The following CNTFR variants were observed in gnomAD, a reference collection of about 807,000 sequenced individuals.
CNTFR encodes the protein ciliary neurotrophic factor receptor subunit alpha.
A neutral mutation model predicts 40.4 loss-of-function variants in CNTFR; 12 were observed. The observed-to-expected ratio is 0.30, with a 90% CI of 0.19 to 0.48. CNTFR has a LOEUF of 0.48. Among genes scored for constraint, CNTFR ranks in the 20% least tolerant of loss-of-function variants. The pLI, the probability that CNTFR is intolerant of heterozygous loss-of-function variation, is 0.99. For missense variants in CNTFR, 414 were observed against 506.8 expected (o/e 0.82, Z 1.76); for synonymous variants, 202 against 209.6 (o/e 0.96, Z 0.31).
Position 34,552,956 on chromosome 9 carries a change from A to G in CNTFR, c.769-102T>C. On this transcript the variant is annotated intron_variant, in intron 7 of 9. Transcript: ENST00000378980. This position sits in a 1 kb window ranked among gnomAD's most constrained non-coding sequence, Gnocchi z 5.1. ...CATGCCTCTGAGGAGAGGAGAGTAA[A>G]GGGCTCTGGGGGCAGTGAGGACTTC... 1 of 1,173,040 alleles carries G rather than the reference A, an allele frequency of 8.5e-7. No individual in the cohort carries two copies. The highest frequency in any genetic ancestry group is 1.5e-5 in the African/African-American group (1 of 64,582). The allele number at this position is 1,173,040 out of a possible 1,614,324, so 72.7% of individuals were successfully genotyped here.
Position 34,564,791 on chromosome 9 carries a change from T to C in CNTFR, c.127A>G (p.Thr43Ala). The change falls in exon 4 of 10, where the codon ACA (threonine) becomes GCA (alanine). Residue 43 changes from threonine to alanine, a missense_variant. Physicochemically the swap from Thr to Ala is moderately conservative, Grantham distance 58. Transcript: ENST00000378980. ...VQYERLGSDVTLPCGTANWDA... is the reference protein window; with the variant it reads ...VQYERLGSDVALPCGTANWDA... ...CAGTTTGCTGTCCCACATGGCAGTG[T>C]CACGTCAGAGCCCAGGCGCTCGTAC... The C allele has an allele frequency of 4.3e-6, 7 of 1,613,748 alleles. No homozygotes were observed. The highest frequency in any genetic ancestry group is 5.9e-6 in the Non-Finnish European group (7 of 1,179,936).
chr9:34,577,529 A>C (rs1827038468), intron 2 of CNTFR, among the ~76,000 whole-genome samples: 3 of 152,214 alleles, frequency 2.0e-5, no homozygotes, highest in Non-Finnish European at 4.4e-5. Context: ...AAATGAAGCC[A>C]GGCTTTGGGG....
At chr9:34,566,576 T>C (rs1826304848) in intron 3 of CNTFR, among the ~76,000 whole-genome samples, 2 of 152,006 alleles carry the variant, frequency 1.3e-5, no homozygotes, top group African/African-American at 4.8e-5. Context: ...ACCTGGAGCT[T>C]CCAGGAAACA....
At chr9:34,585,206 G>A (rs922859374) in intron 1 of CNTFR, among the ~76,000 whole-genome samples, 2 of 152,180 alleles carry the variant, frequency 1.3e-5, no homozygotes, top group African/African-American at 4.8e-5. Flanking sequence ...GGCAGGTACA[G>A]GGTGAGCAAG....
At chr9:34,555,965 C>T (rs1315272281) in intron 7 of CNTFR, among the ~76,000 whole-genome samples, 1 of 141,238 alleles carries the variant, frequency 7.1e-6, no homozygotes. Context: ...TCTCCCTCCC[C>T]CGCCATCTCC....
chr9:34,558,005 G>A lies in CNTFR; in HGVS notation c.320-21C>T, dbSNP rs751030471. On this transcript the variant is annotated intron_variant, in intron 4 of 9. Transcript: ENST00000378980. ...CGGCACTGGGGGTGAGGACAGTATG[G>A]TCAGGGCATTCTTGGAGCTCCCAGT... The A allele has an allele frequency of 3.3e-6, 5 of 1,498,630 alleles. No homozygotes were observed. In the Admixed American group the frequency reaches 6.6e-5, roughly 20 times the overall value. 92.8% of individuals were successfully genotyped at this position (1,498,630 alleles called of 1,614,324 possible). A position where few individuals can be genotyped will look rare whatever the true frequency, so the allele number is the denominator to read the frequency against.
In CNTFR at chr9:34,557,310, C is replaced by A. The variant is rs1825886801; in HGVS notation, c.604+216G>T. 6.6e-6 allele frequency among the ~76,000 whole-genome samples: 1 copy of A among 152,156 alleles called. No homozygotes were observed. The highest frequency in any genetic ancestry group is 2.4e-5 in the African/African-American group (1 of 41,428). ...TGATCGAAAGAGCTGCTGGACAGGT[C>A]TCTCGGCCCTTCAGGTAAAGGACAT... On this transcript the variant is annotated intron_variant, in intron 6 of 9. Coordinates refer to ENST00000378980, the MANE Select transcript of CNTFR (RefSeq NM_147164.3). The surrounding 1 kb of genome is among the most constrained non-coding windows in gnomAD (Gnocchi z 4.2).
chr9:34,557,530 G>C lies in CNTFR; in HGVS notation c.600C>G (p.Thr200=), dbSNP rs1377497824. 6.2e-7 allele frequency: 1 copy of C among 1,613,814 alleles called. No individual in the cohort carries two copies. The highest frequency in any genetic ancestry group is 1.1e-5 in the South Asian group (1 of 91,064). The change falls in exon 6 of 10, where the codon ACC becomes ACG. Residue 200 remains threonine, a synonymous_variant. Coordinates refer to ENST00000378980, the MANE Select transcript of CNTFR (RefSeq NM_147164.3). The surrounding 1 kb of genome is among the most constrained non-coding windows in gnomAD (Gnocchi z 4.2). ...NATAITFDEF[T]IVKPDPPENV... ...CCCCCCAACCGCCACACGTACCAAT[G>C]GTGAACTCGTCAAAGGTGATAGCTG... is the stretch of plus-strand genomic sequence containing the variant.
chr9:34,569,025 A>C (rs1826451191), intron 2 of CNTFR, 44 bp from the exon 3 acceptor site: 1 of 1,518,180 alleles, frequency 6.6e-7, no homozygotes, highest in African/African-American at 1.4e-5. Context: ...GCATCAGCCC[A>C]GGCAGGACTG....
intron 1 of CNTFR, chr9:34,582,798 G>A (rs1827367752): frequency 6.6e-6 from 1 of 152,298 alleles, no homozygotes. Context: ...GAGATAGCTG[G>A]AAAAGGAGAC....
At chr9:34,574,831 C>G (rs775396710) in intron 2 of CNTFR, among the ~76,000 whole-genome samples, 2 of 152,230 alleles carry the variant, frequency 1.3e-5, no homozygotes, top group Admixed American at 1.3e-4. Context: ...ATGTGCGTGC[C>G]CTGCTGCACG....
chr9:34,558,065 G>A, intron 4 of CNTFR, 81 bp from the exon 5 acceptor site: 1 of 1,004,962 alleles, frequency 1.0e-6, no homozygotes. Flanking sequence ...GGGCCCCAGA[G>A]CCCCAGCTCT....
In CNTFR at chr9:34,557,691, G is replaced by T; in HGVS notation, c.439C>A (p.His147Asn). The change falls in exon 6 of 10, where the codon CAT becomes AAT. Residue 147 changes from histidine to asparagine, a missense_variant and splice_region_variant. His to Asn is a moderately conservative substitution (Grantham distance 68). Transcript: ENST00000378980. The surrounding 1 kb of genome is among the most constrained non-coding windows in gnomAD (Gnocchi z 4.2). ...IPNTFNVTVL[H>N]GSKIMVCEKD... Reference sequence around the variant, plus strand: ...TCACAGACCATAATTTTGGAGCCATGCCTGGGGAGAGGTGAGACCCAGGCA... The same window carrying T: ...TCACAGACCATAATTTTGGAGCCATTCCTGGGGAGAGGTGAGACCCAGGCA... 6.2e-7 allele frequency: 1 copy of T among 1,614,190 alleles called. No homozygotes were observed. Among genetic ancestry groups the T allele is most frequent in the Non-Finnish European group, 8.5e-7 (1 of 1,180,014 alleles).
intron 7 of CNTFR, among the ~76,000 whole-genome samples, chr9:34,555,932 CCCGCCA>C (rs1825816681): frequency 1.5e-5 from 2 of 136,730 alleles, no homozygotes; most frequent in Non-Finnish European, 3.2e-5. Flanking sequence ...ATCTCCCTCC[CCCGCCA>C]TCTCCCTCCC....
chr9:34,576,329 T>C (rs920786092), intron 2 of CNTFR, among the ~76,000 whole-genome samples: 1 of 152,204 alleles, frequency 6.6e-6, no homozygotes, highest in African/African-American at 2.4e-5. Context: ...GTCTCACATA[T>C]GGATACCATC....
intron 2 of CNTFR, among the ~76,000 whole-genome samples, chr9:34,578,124 C>T (rs1827084230): frequency 6.7e-6 from 1 of 148,476 alleles, no homozygotes; most frequent in African/African-American, 2.5e-5. Flanking sequence ...CGGAACGACC[C>T]GGGAGGCAGA....
chr9:34,561,480 G>A (rs779772958), intron 4 of CNTFR, among the ~76,000 whole-genome samples: 2 of 152,140 alleles, frequency 1.3e-5, no homozygotes, highest in African/African-American at 2.4e-5. Flanking sequence ...TCCTAATGTG[G>A]GGGGTCCTTC....
At chr9:34,585,053 CT>C (rs1156852251) in intron 1 of CNTFR, among the ~76,000 whole-genome samples, 3 of 152,222 alleles carry the variant, frequency 2.0e-5, no homozygotes, top group African/African-American at 7.2e-5. Flanking sequence ...TATTGAGCAC[CT>C]ATTCCCTGCC....
intron 3 of CNTFR, among the ~76,000 whole-genome samples, chr9:34,568,497 T>A (rs1048096186): frequency 1.4e-4 from 21 of 152,254 alleles, no homozygotes; most frequent in African/African-American, 4.6e-4. Flanking sequence ...GGGATGAAGC[T>A]GAGGGTAGAA....
Sources: gnomAD v4.1 joint callset for allele counts (sites outside exome capture counted in the v4.1 genomes callset) on GRCh38, gnomAD v4.1.1 for gene constraint, Gnocchi (gnomAD v3.1) non-coding constraint, MANE v1.5 for transcripts, NCBI Gene and HGNC (gene_info 2026-07-23, HGNC 2026-07-21) for gene names.